SLC25A16: variants seen among roughly 807,000 people sequenced by gnomAD.
SLC25A16 encodes the protein mitochondrial coenzyme A transporter SLC25A16.
Under a neutral mutation model 41.5 loss-of-function variants are expected in SLC25A16, and 39 were observed. The ratio of observed to expected loss-of-function variants is 0.94; its 90% CI spans 0.73 to 1.23. SLC25A16 has a LOEUF of 1.23. Among genes scored for constraint, SLC25A16 ranks in the 50% most tolerant of loss-of-function variants. SLC25A16 has a pLI of 0.00. For missense variants in SLC25A16, 421 were observed against 426.9 expected (o/e 0.99, Z 0.12); for synonymous variants, 146 against 147.8 (o/e 0.99, Z 0.09).
intron 3 of SLC25A16, among the ~76,000 whole-genome samples, chr10:68,505,575 C>T (rs917321090): frequency 6.6e-6 from 1 of 151,926 alleles, no homozygotes; most frequent in South Asian, 2.1e-4. Flanking sequence ...GAGTTCCAGA[C>T]CAGCCTGACC....
rs148285905 is a variant in SLC25A16 at position 68,504,017 on chromosome 10, C to CTTTTTTTT, written c.358-330_358-323dup. Among the ~76,000 whole-genome samples, 12 of 70,884 alleles carry CTTTTTTTT rather than the reference C, an allele frequency of 1.7e-4. 1 individual carries two copies. The highest frequency in any genetic ancestry group is 6.8e-4 in the African/African-American group (12 of 17,632). 46.5% of individuals were successfully genotyped at this position (70,884 alleles called of 152,430 possible). On this transcript the variant is annotated intron_variant, in intron 3 of 8. Transcript: ENST00000609923. ...TGGGGGTAGTAGGAATAAACTGCTA[C>CTTTTTTTT]TTTTTTTTTTTTTTTTTTTTTTTTT...
chr10:68,526,228 T>G (rs2053336056), intron 1 of SLC25A16, among the ~76,000 whole-genome samples: 1 of 151,350 alleles, frequency 6.6e-6, no homozygotes, highest in South Asian at 2.1e-4. Context: ...CTCCATCTAC[T>G]GAGATAGGGA....
intron 2 of SLC25A16, among the ~76,000 whole-genome samples, chr10:68,509,610 G>A (rs1172737634): frequency 6.6e-6 from 1 of 151,312 alleles, no homozygotes; most frequent in Non-Finnish European, 1.5e-5. Flanking sequence ...GGCTGAGGCA[G>A]GAAGATTGCT....
rs2052497907 is a variant in SLC25A16 at position 68,482,688 on chromosome 10, C to A, written c.*744G>T. 1 of 152,072 alleles carries A rather than the reference C, an allele frequency of 6.6e-6. No individual in the cohort carries two copies. The highest frequency in any genetic ancestry group is 1.5e-5 in the Non-Finnish European group (1 of 68,032). The allele number at this position is 152,072 out of a possible 1,614,324, so 9.4% of individuals were successfully genotyped here. ...AGTCACTCATAGTACCTCATAATAA[C>A]ATTTGAGCAAGACTTAGTCGTTCAT... On this transcript the variant is annotated 3_prime_UTR_variant, in exon 9 of 9. Transcript: ENST00000609923.
intron 2 of SLC25A16, among the ~76,000 whole-genome samples, chr10:68,513,158 G>A (rs2053096445): frequency 6.6e-6 from 1 of 151,386 alleles, no homozygotes; most frequent in African/African-American, 2.4e-5. Context: ...CCAGCCTAGG[G>A]AACAAGTGAG....
chr10:68,491,519 C>T (rs1157058586), intron 6 of SLC25A16, among the ~76,000 whole-genome samples: 2 of 152,086 alleles, frequency 1.3e-5, no homozygotes, highest in Admixed American at 6.6e-5. Context: ...GCCACCGCAC[C>T]GGCCCTTGTT....
At chr10:68,484,556 G>T (rs1378715381) in intron 8 of SLC25A16, among the ~76,000 whole-genome samples, 1 of 151,362 alleles carries the variant, frequency 6.6e-6, no homozygotes, top group Non-Finnish European at 1.5e-5. Flanking sequence ...CTCTTCAGTA[G>T]CTGAGACTAC....
intron 2 of SLC25A16, among the ~76,000 whole-genome samples, chr10:68,509,748 T>TATATATATAGATATATATATATATATAG (rs2053026019): frequency 1.4e-5 from 2 of 141,220 alleles, no homozygotes; most frequent in African/African-American, 5.6e-5. Context: ...TATATCTATA[T>TATATATATAGATATATATATATATATAG]ATATAGATAT....
Position 68,527,359 on chromosome 10 carries a change from G to A in SLC25A16, c.17C>T (p.Ala6Val). The change falls in exon 1 of 9, where the codon GCC becomes GTC. Residue 6 changes from alanine to valine, a missense_variant. By Grantham distance (64) the Ala-to-Val change is moderately conservative. Transcript: ENST00000609923. ...ATCGGCCGCCGCCAGGGCTGCCGCG[G>A]CCGTCGCCGCCGCCATCAGGACCAG... MAAAT[A>V]AAALAAADPP... 1.3e-6 allele frequency: 2 copies of A among 1,502,498 alleles called. No homozygotes were observed. Among genetic ancestry groups the A allele is most frequent in the Non-Finnish European group, 1.8e-6 (2 of 1,130,932 alleles). 93.1% of individuals were successfully genotyped at this position (1,502,498 alleles called of 1,614,324 possible).
intron 2 of SLC25A16, 149 bp downstream of exon 2, chr10:68,516,602 G>T: frequency 1.9e-6 from 1 of 530,538 alleles, no homozygotes; most frequent in Non-Finnish European, 3.3e-6. Flanking sequence ...TCTGAGAGAA[G>T]TTACTATTTA....
chr10:68,500,342 C>G (rs1467903144), intron 4 of SLC25A16, among the ~76,000 whole-genome samples: 2 of 152,134 alleles, frequency 1.3e-5, no homozygotes, highest in African/African-American at 2.4e-5. Flanking sequence ...AAGTCTAGCT[C>G]TGTTGCCAAC....
chr10:68,497,498 G>A (rs1462478463), intron 4 of SLC25A16, among the ~76,000 whole-genome samples: 2 of 152,022 alleles, frequency 1.3e-5, no homozygotes, highest in Non-Finnish European at 2.9e-5. Context: ...TGTTCTTAGA[G>A]TAGGATCTAG....
At position 68,480,814 on chromosome 10, in the gene SLC25A16, C is replaced by T. The variant is rs1426822318; in HGVS notation, c.*2618G>A. 2.7e-5 allele frequency: 4 copies of T among 150,040 alleles called. No individual in the cohort carries two copies. The highest frequency in any genetic ancestry group is 5.9e-5 in the Non-Finnish European group (4 of 67,514). 9.3% of individuals were successfully genotyped at this position (150,040 alleles called of 1,614,324 possible). A position where few individuals can be genotyped will look rare whatever the true frequency, so the allele number is the denominator to read the frequency against. On this transcript the variant is annotated 3_prime_UTR_variant, in exon 9 of 9. Coordinates refer to ENST00000609923, the MANE Select transcript of SLC25A16 (RefSeq NM_152707.4). ...CCCGGCTCAATACTTATTTTATATA[C>T]TTAAATTATCTTAACATTTAATAAC...
chr10:68,516,091 G>A (rs919080679), intron 2 of SLC25A16, among the ~76,000 whole-genome samples: 12 of 152,068 alleles, frequency 7.9e-5, no homozygotes, highest in African/African-American at 2.4e-4. Flanking sequence ...TGAAATGCTC[G>A]TTTCCTGGTG....
At position 68,507,175 on chromosome 10, in the gene SLC25A16, T is replaced by C. The variant is rs1327208300; in HGVS notation, c.224-457A>G. Among the ~76,000 whole-genome samples, 6 of 147,576 alleles carry C rather than the reference T, an allele frequency of 4.1e-5. No individual in the cohort carries two copies. The South Asian group carries it at 1.1e-3, about 26-fold the overall frequency. On this transcript the variant is annotated intron_variant, in intron 2 of 8. Transcript: ENST00000609923. ...GCAACCTCCGCCTCCCAGGTTCAAA[T>C]GATTCTCCTGCCCCAGCCTCCCAAG... is the stretch of plus-strand genomic sequence containing the variant.
At chr10:68,488,665 A>G in intron 6 of SLC25A16, 36 bp from the exon 7 acceptor site, 2 of 1,528,422 alleles carry the variant, frequency 1.3e-6, no homozygotes, top group Non-Finnish European at 1.8e-6. Context: ...ATGATGCTTA[A>G]CATAACATGA....
At position 68,483,063 on chromosome 10, in the gene SLC25A16, T is replaced by C. The variant is rs973297885; in HGVS notation, c.*369A>G. 6.4e-6 allele frequency: 1 copy of C among 156,716 alleles called. No individual in the cohort carries two copies. The highest frequency in any genetic ancestry group is 2.4e-5 in the African/African-American group (1 of 41,656). The allele number at this position is 156,716 out of a possible 1,614,324, so 9.7% of individuals were successfully genotyped here. ...CCAACCCTGTTTATTTTAATAATAATAAACACTGTCAGTCTTTTAAAAACC... is the reference window on the plus strand; with the variant it reads ...CCAACCCTGTTTATTTTAATAATAACAAACACTGTCAGTCTTTTAAAAACC... On this transcript the variant is annotated 3_prime_UTR_variant, in exon 9 of 9. Coordinates refer to ENST00000609923, the MANE Select transcript of SLC25A16 (RefSeq NM_152707.4).
intron 1 of SLC25A16, 133 bp from the exon 2 acceptor site, chr10:68,516,976 G>T: frequency 1.0e-6 from 1 of 960,320 alleles, no homozygotes; most frequent in Non-Finnish European, 1.5e-6. Flanking sequence ...ACAGCGTATA[G>T]ATATGCAGAT....
In SLC25A16 at chr10:68,493,408, A is replaced by C; in HGVS notation, c.543+41T>G. 3 of 1,557,686 alleles carry C rather than the reference A, an allele frequency of 1.9e-6. No homozygotes were observed. The South Asian group carries it at 3.3e-5, about 17-fold the overall frequency. Reference sequence around the variant, plus strand: ...ACATTCAAAATATTTTCCTAAGTATAAAAGGGCATGTTATAGATGAGGAAG... The same window carrying C: ...ACATTCAAAATATTTTCCTAAGTATCAAAGGGCATGTTATAGATGAGGAAG... On this transcript the variant is annotated intron_variant, in intron 5 of 8. Transcript: ENST00000609923.
Sources: gnomAD v4.1 joint callset for allele counts (sites outside exome capture counted in the v4.1 genomes callset) on GRCh38, gnomAD v4.1.1 for gene constraint, MANE v1.5 for transcripts, NCBI Gene and HGNC (gene_info 2026-07-23, HGNC 2026-07-21) for gene names.